Variants in OGFOD2 observed in about 807,000 individuals in gnomAD.
OGFOD2 encodes the protein 2-oxoglutarate and iron-dependent oxygenase domain-containing protein 2.
OGFOD2 carries 34 observed loss-of-function variants against 31.1 expected under a neutral mutation model. That is an observed-to-expected ratio of 1.09 (90% CI 0.83 to 1.45). The LOEUF (loss-of-function observed/expected upper bound fraction) is 1.45, where lower values mean the gene tolerates loss of function less well. Among genes scored for constraint, OGFOD2 ranks in the 40% most tolerant of loss-of-function variants. OGFOD2 has a pLI of 0.00. For synonymous variants in OGFOD2, 240 were observed against 192.3 expected (o/e 1.25, Z -2.05); for missense variants, 537 against 433.9 (o/e 1.24, Z -2.11).
exon 4 of OGFOD2, chr12:122,976,929 C>T: frequency 1.2e-6 from 2 of 1,613,788 alleles, no homozygotes; most frequent in Non-Finnish European, 1.7e-6. Flanking sequence ...TCCCCAGACG[C>T]AGACCTCAAG....
At chr12:122,978,618 A>G (rs753600449) in intron 5 of OGFOD2, 49 bp downstream of exon 5, 2 of 1,601,650 alleles carry the variant, frequency 1.2e-6, no homozygotes, top group Admixed American at 3.3e-5. Flanking sequence ...TGGGGTCAGG[A>G]GGCAGTGTCA....
At chr12:122,978,959 C>A in exon 6 of OGFOD2, 1 of 1,613,292 alleles carries the variant, frequency 6.2e-7, no homozygotes, top group Non-Finnish European at 8.5e-7. Flanking sequence ...TCAATGTGGC[C>A]TTGGGCAAGG....
At chr12:122,975,818 G>T (rs1055959225) in exon 2 of OGFOD2, 2 of 702,914 alleles carry the variant, frequency 2.8e-6, no homozygotes. Flanking sequence ...CAGATCCTGC[G>T]CAGCCGAGGC....
chr12:122,976,000 C>G, intron 2 of OGFOD2, 133 bp downstream of exon 2: 2 of 642,828 alleles, frequency 3.1e-6, no homozygotes, highest in Non-Finnish European at 2.9e-6. Flanking sequence ...TCCTTCCTGC[C>G]CCCCACTCAT....
At position 122,979,147 on chromosome 12, in the gene OGFOD2, G is replaced by T. The variant is rs377438417; in HGVS notation, c.854G>T (p.Arg285Leu). 30 of 1,609,202 alleles carry T rather than the reference G, an allele frequency of 1.9e-5. No homozygotes were observed. The highest frequency in any genetic ancestry group is 2.5e-5 in the Non-Finnish European group (30 of 1,178,132). Reference sequence around the variant, plus strand: ...GTGGTGGGCCAGGGTGTCCTCCACCGTGGCGGCCAGCTGCATGGAGCCCGG... The same window carrying T: ...GTGGTGGGCCAGGGTGTCCTCCACCTTGGCGGCCAGCTGCATGGAGCCCGG... Residue 285 changes from arginine to leucine, a missense_variant, in exon 7 of 7, where the codon CGT (arginine) becomes CTT (leucine). By Grantham distance (102) the Arg-to-Leu change is moderately radical. Coordinates refer to ENST00000228922, the Ensembl canonical transcript of OGFOD2.
chr12:122,979,362 G>A (rs1278404646), exon 7 of OGFOD2: 5 of 1,581,700 alleles, frequency 3.2e-6, no homozygotes, highest in Non-Finnish European at 4.3e-6. Flanking sequence ...CTTGGGCCCA[G>A]TGTGGGGGTG....
intron 1 of OGFOD2, 167 bp from the exon 2 acceptor site, chr12:122,975,644 G>T: frequency 1.6e-6 from 1 of 618,052 alleles, no homozygotes. Flanking sequence ...AGCAACACCA[G>T]CCCGGAGCCC....
chr12:122,975,681 G>T (rs2037398873), intron 1 of OGFOD2, 130 bp from the exon 2 acceptor site: 2 of 647,966 alleles, frequency 3.1e-6, no homozygotes, highest in Non-Finnish European at 5.7e-6. Flanking sequence ...GGGTTCCGCA[G>T]TTCATTCTCT....
At chr12:122,975,454 A>T (rs146259024) in intron 1 of OGFOD2, 71 bp downstream of exon 1, 33 of 617,448 alleles carry the variant, frequency 5.3e-5, no homozygotes, top group Non-Finnish European at 9.4e-5. Flanking sequence ...GTTCGTCCCC[A>T]GGGTCGTTTG....
At chr12:122,979,494 C>T (rs1366251991) in exon 7 of OGFOD2, 15 of 1,040,654 alleles carry the variant, frequency 1.4e-5, no homozygotes, top group South Asian at 3.5e-5. Context: ...AAAGATGCTG[C>T]CTTAGTTCAG....
chr12:122,978,468 G>C, exon 5 of OGFOD2: 1 of 1,613,618 alleles, frequency 6.2e-7, no homozygotes, highest in Non-Finnish European at 8.5e-7. Flanking sequence ...CCGGGTGCCT[G>C]TTTTCACAGC....
chr12:122,976,239 C>A, intron 2 of OGFOD2: 2 of 727,848 alleles, frequency 2.7e-6, no homozygotes, highest in South Asian at 3.3e-5. Context: ...CACACCTTAC[C>A]ATATACCCCG....
At chr12:122,974,942 C>T (rs1020616699), upstream of OGFOD2, 14 of 258,008 alleles carry the variant, frequency 5.4e-5, no homozygotes, top group Non-Finnish European at 9.7e-5. Context: ...AGTCAAAGGC[C>T]TTGGGGCTCC....
At chr12:122,975,830 G>C (rs764277067) in exon 2 of OGFOD2, 1 of 702,984 alleles carries the variant, frequency 1.4e-6, no homozygotes, top group Non-Finnish European at 2.6e-6. Flanking sequence ...AGCCGAGGCT[G>C]TGTTAGCGCC....
rs1234194530 is a variant in OGFOD2 at position 122,975,797 on chromosome 12, C to A, written c.133-14C>A. 1 of 702,876 alleles carries A rather than the reference C, an allele frequency of 1.4e-6. No individual in the cohort carries two copies. The allele number at this position is 702,876 out of a possible 1,614,324, so 43.5% of individuals were successfully genotyped here. A position where few individuals can be genotyped will look rare whatever the true frequency, so the allele number is the denominator to read the frequency against. On this transcript the variant is annotated splice_polypyrimidine_tract_variant and intron_variant, in intron 1 of 6. Transcript: ENST00000228922. ...AGGTCATACAGTCATGCTCAGTGTT[C>A]TTTCTGCTCCCAGATCCTGCGCAGC...
upstream of OGFOD2, chr12:122,974,937 A>G (rs1228847740): frequency 4.1e-6 from 1 of 245,708 alleles, no homozygotes; most frequent in Non-Finnish European, 7.8e-6. Flanking sequence ...GTTTAAGTCA[A>G]AGGCCTTGGG....
chr12:122,978,784 C>T (rs757167193), exon 6 of OGFOD2: 12 of 1,611,108 alleles, frequency 7.4e-6, no homozygotes, highest in East Asian at 4.5e-5. Flanking sequence ...CTGGACGAGC[C>T]GCTGATGACA....
intron 2 of OGFOD2, chr12:122,976,140 G>A (rs1195584291): frequency 1.7e-6 from 1 of 594,016 alleles, no homozygotes; most frequent in African/African-American, 1.9e-5. Context: ...GGATTGAGAA[G>A]CTGAGGCTTA....
intron 4 of OGFOD2, 57 bp from the exon 5 acceptor site, chr12:122,978,385 C>G: frequency 6.2e-7 from 1 of 1,600,654 alleles, no homozygotes; most frequent in Non-Finnish European, 8.5e-7. Flanking sequence ...GACTGAAGCC[C>G]AGGCCTGGCC....
Sources: gnomAD v4.1 joint callset for allele counts on GRCh38, gnomAD v4.1.1 for gene constraint, MANE v1.5 for transcripts, NCBI Gene and HGNC (gene_info 2026-07-23, HGNC 2026-07-21) for gene names.